BCAS3: variants seen among roughly 807,000 people sequenced by gnomAD.
BCAS3 encodes BCAS4/BCAS3 fusion.
BCAS3 carries 53 observed loss-of-function variants against 116.1 expected under a neutral mutation model. That is an observed-to-expected ratio of 0.46 (90% confidence interval 0.37 to 0.57). The LOEUF is 0.57. Among genes scored for constraint, BCAS3 ranks in the 20% least tolerant of loss-of-function variants. The pLI, the probability that BCAS3 is intolerant of heterozygous loss-of-function variation, is 0.00. For synonymous variants in BCAS3, 391 were observed against 408.2 expected (o/e 0.96, Z 0.51); for missense variants, 917 against 1,165.4 (o/e 0.79, Z 3.10).
At position 61,347,583 on chromosome 17, in the gene BCAS3, T is replaced by C. The variant is rs1355387345; in HGVS notation, c.2426-20744T>C. Reference sequence around the variant, plus strand: ...GGAACTTACAGTCTAGTGGGAAGAATAGGGCCATAAAATATTTTATTGCTT... The same window carrying C: ...GGAACTTACAGTCTAGTGGGAAGAACAGGGCCATAAAATATTTTATTGCTT... On this transcript the variant is annotated intron_variant, in intron 22 of 23. Coordinates refer to ENST00000407086, the MANE Select transcript of BCAS3 (RefSeq NM_017679.5). The surrounding 1 kb of genome is among the most constrained non-coding windows in gnomAD (Gnocchi z 4.3). Among the ~76,000 whole-genome samples the C allele has an allele frequency of 6.6e-6, 1 of 152,188 alleles. No homozygotes were observed. The highest frequency in any genetic ancestry group is 1.5e-5 in the Non-Finnish European group (1 of 68,028).
chr17:61,182,065 A>G (rs967891956), intron 22 of BCAS3, among the ~76,000 whole-genome samples: 4 of 151,988 alleles, frequency 2.6e-5, no homozygotes, highest in Admixed American at 6.6e-5. Flanking sequence ...TGTTGAGATG[A>G]GGTCCTACTG....
Position 61,042,891 on chromosome 17 carries a change from C to CAAAAAAAAAAAAAAAA in BCAS3, c.2029+2008_2029+2023dup, listed in dbSNP as rs35629825. On this transcript the variant is annotated intron_variant, in intron 19 of 23. Coordinates refer to ENST00000407086, the MANE Select transcript of BCAS3 (RefSeq NM_017679.5). The stretch of plus-strand genomic sequence containing the variant: ...GGCAACAGAGCAAGACTCCATCTCA[C>CAAAAAAAAAAAAAAAA]AAAAAAAAAAAAAAAAAAAAAAAAG... Among the ~76,000 whole-genome samples the CAAAAAAAAAAAAAAAA allele has an allele frequency of 5.5e-4, 32 of 58,290 alleles. 1 individual carries two copies. Among genetic ancestry groups the CAAAAAAAAAAAAAAAA allele is most frequent in the African/African-American group, 1.7e-3 (30 of 18,112 alleles). 38.2% of individuals were successfully genotyped at this position (58,290 alleles called of 152,430 possible). A position where few individuals can be genotyped will look rare whatever the true frequency, so the allele number is the denominator to read the frequency against.
chr17:61,389,321 CA>C (rs2060012634), intron 23 of BCAS3: 1 of 152,666 alleles, frequency 6.6e-6, no homozygotes, highest in Non-Finnish European at 1.5e-5. Context: ...ACAGCTTCAT[CA>C]CTTTTGTGTC....
intron 7 of BCAS3, among the ~76,000 whole-genome samples, chr17:60,852,205 C>T (rs2053234683): frequency 6.6e-6 from 1 of 151,414 alleles, no homozygotes; most frequent in Non-Finnish European, 1.5e-5. Context: ...CATATGTATA[C>T]ATGTGCCATG....
chr17:60,905,261 A>G (rs940182886), intron 11 of BCAS3, among the ~76,000 whole-genome samples: 1 of 152,228 alleles, frequency 6.6e-6, no homozygotes, highest in South Asian at 2.1e-4. Context: ...AGGACGCTAT[A>G]TATTGTGTCA....
intron 4 of BCAS3, among the ~76,000 whole-genome samples, chr17:60,708,522 CTAA>C (rs138967495): frequency 5.3e-5 from 8 of 151,766 alleles, no homozygotes; most frequent in African/African-American, 1.9e-4. Flanking sequence ...CCAAGCCCAG[CTAA>C]TAATAATAAT....
intron 7 of BCAS3, chr17:60,851,612 A>G: frequency 3.1e-6 from 2 of 646,404 alleles, no homozygotes; most frequent in Non-Finnish European, 2.9e-6. Context: ...TACAAATAAA[A>G]GGGCAAAGGG....
intron 7 of BCAS3, chr17:60,811,037 C>G (rs1403103327): frequency 3.1e-6 from 2 of 651,412 alleles, no homozygotes; most frequent in Non-Finnish European, 2.8e-6. Context: ...GAGGTTGGAG[C>G]TGCTGCGTTG....
chr17:61,295,913 C>A (rs1038753735), intron 22 of BCAS3, among the ~76,000 whole-genome samples: 3 of 151,188 alleles, frequency 2.0e-5, no homozygotes, highest in Admixed American at 1.3e-4. Flanking sequence ...CAAGATTGTG[C>A]CATTGCACTC....
intron 22 of BCAS3, among the ~76,000 whole-genome samples, chr17:61,102,464 G>A (rs113496974): frequency 5.3e-5 from 8 of 152,068 alleles, no homozygotes; most frequent in African/African-American, 1.9e-4. Context: ...AAAATATTAT[G>A]AGGTAAAAGC....
chr17:61,167,899 A>C (rs543431751), intron 22 of BCAS3, among the ~76,000 whole-genome samples: 1 of 152,230 alleles, frequency 6.6e-6, no homozygotes, highest in Non-Finnish European at 1.5e-5. Flanking sequence ...TTTGTTCCCC[A>C]TGCCTACTTT....
chr17:60,713,785 C>G (rs759546996), intron 5 of BCAS3, among the ~76,000 whole-genome samples: 2 of 152,184 alleles, frequency 1.3e-5, no homozygotes, highest in Non-Finnish European at 2.9e-5. Context: ...GTTTGTGGAA[C>G]CAGTCAGCAC....
chr17:60,968,197 G>A (rs777853388), intron 14 of BCAS3, among the ~76,000 whole-genome samples: 1 of 151,590 alleles, frequency 6.6e-6, no homozygotes, highest in Non-Finnish European at 1.5e-5. Flanking sequence ...GATTTTATTG[G>A]GTATATTTTG....
At chr17:60,821,020 C>T (rs553747148) in intron 7 of BCAS3, among the ~76,000 whole-genome samples, 1 of 152,302 alleles carries the variant, frequency 6.6e-6, no homozygotes, top group East Asian at 1.9e-4. Flanking sequence ...AATCTCGGCT[C>T]ACTGCAACCT....
intron 19 of BCAS3, chr17:61,070,401 C>T (rs75937628): frequency 0.092 from 7,601 of 82,196 alleles, 485 homozygotes; most frequent in Non-Finnish European, 0.14. Flanking sequence ...ATATATATAT[C>T]TTTTCACCAT....
chr17:61,375,989 G>A (rs1283450017), intron 23 of BCAS3, among the ~76,000 whole-genome samples: 1 of 152,198 alleles, frequency 6.6e-6, no homozygotes, highest in Non-Finnish European at 1.5e-5. Context: ...AGACATTTCA[G>A]AAGATGTGGT....
chr17:61,047,217 A>G (rs1024928891), intron 19 of BCAS3, among the ~76,000 whole-genome samples: 1 of 151,982 alleles, frequency 6.6e-6, no homozygotes, highest in African/African-American at 2.4e-5. Flanking sequence ...CTGTATCACA[A>G]ATTGATACCC....
intron 22 of BCAS3, among the ~76,000 whole-genome samples, chr17:61,201,119 T>C (rs1031495056): frequency 2.6e-5 from 4 of 152,214 alleles, no homozygotes; most frequent in Admixed American, 6.5e-5. Flanking sequence ...AATAAATACA[T>C]TTTAACCCGA....
At chr17:60,945,448 A>T (rs1208735843) in intron 13 of BCAS3, among the ~76,000 whole-genome samples, 2 of 152,234 alleles carry the variant, frequency 1.3e-5, no homozygotes, top group African/African-American at 2.4e-5. Context: ...ACAGTAACCA[A>T]GAATGTGGTA....
Sources: allele counts gnomAD v4.1 joint callset (sites outside exome capture counted in the v4.1 genomes callset), GRCh38; gene constraint gnomAD v4.1.1; non-coding constraint Gnocchi (gnomAD v3.1); transcripts MANE v1.5; gene names NCBI Gene and HGNC (gene_info 2026-07-23, HGNC 2026-07-21).